The following GFRA1 variants were observed in gnomAD, a reference collection of about 807,000 sequenced individuals.
The protein encoded by GFRA1 is GDNF family receptor alpha 1.
Under a neutral mutation model 51.6 loss-of-function variants are expected in GFRA1, and 16 were observed. That is an observed-to-expected ratio of 0.31 (90% CI 0.21 to 0.47). The LOEUF (loss-of-function observed/expected upper bound fraction) is 0.47, where lower values mean the gene tolerates loss of function less well. Among genes scored for constraint, GFRA1 ranks in the 20% least tolerant of loss-of-function variants. GFRA1 has a pLI of 1.00. For missense variants in GFRA1, 530 were observed against 594.3 expected (o/e 0.89, Z 1.13); for synonymous variants, 270 against 241.3 (o/e 1.12, Z -1.10).
chr10:116,174,230 A>G (rs1961357477), intron 5 of GFRA1, among the ~76,000 whole-genome samples: 1 of 152,152 alleles, frequency 6.6e-6, no homozygotes, highest in Admixed American at 6.5e-5. Flanking sequence ...TGATTCCAGT[A>G]TATTTTTGGT....
At chr10:116,166,554 C>G (rs941504780) in intron 5 of GFRA1, among the ~76,000 whole-genome samples, 1 of 152,098 alleles carries the variant, frequency 6.6e-6, no homozygotes, top group African/African-American at 2.4e-5. Flanking sequence ...TTCCCAACAA[C>G]ACCTTCCCCC....
At chr10:116,144,138 C>A (rs1389015114) in intron 5 of GFRA1, among the ~76,000 whole-genome samples, 1 of 152,014 alleles carries the variant, frequency 6.6e-6, no homozygotes, top group Admixed American at 6.6e-5. Flanking sequence ...TTCTGCTAGA[C>A]CATGTTTTAA....
intron 4 of GFRA1, among the ~76,000 whole-genome samples, chr10:116,243,112 C>A (rs1235565620): frequency 6.6e-6 from 1 of 152,118 alleles, no homozygotes; most frequent in Non-Finnish European, 1.5e-5. Flanking sequence ...TTATGCGTCT[C>A]AAATTTAACT....
intron 4 of GFRA1, among the ~76,000 whole-genome samples, chr10:116,245,312 T>C (rs979880710): frequency 6.6e-6 from 1 of 152,198 alleles, no homozygotes; most frequent in Non-Finnish European, 1.5e-5. Context: ...CAAATAAGCA[T>C]ATGAAAAGAT....
intron 5 of GFRA1, among the ~76,000 whole-genome samples, chr10:116,129,838 G>C (rs1958031898): frequency 6.6e-6 from 1 of 151,890 alleles, no homozygotes; most frequent in Non-Finnish European, 1.5e-5. Context: ...AATGTGTAGT[G>C]ATCAAGTCAG....
intron 4 of GFRA1, among the ~76,000 whole-genome samples, chr10:116,237,356 T>C (rs938440418): frequency 6.6e-6 from 1 of 152,172 alleles, no homozygotes; most frequent in African/African-American, 2.4e-5. Flanking sequence ...TCTGTTACTG[T>C]AATTTACAGA....
chr10:116,198,410 C>T (rs953250732), intron 5 of GFRA1, among the ~76,000 whole-genome samples: 14 of 152,230 alleles, frequency 9.2e-5, no homozygotes, highest in African/African-American at 2.7e-4. Context: ...TGCATACAGA[C>T]GTGCTTTCCC....
chr10:116,077,243 G>T (rs1955657752), intron 9 of GFRA1, among the ~76,000 whole-genome samples: 1 of 151,878 alleles, frequency 6.6e-6, no homozygotes, highest in South Asian at 2.1e-4. Flanking sequence ...AGGGATAAAA[G>T]AGTTTTTAAA....
chr10:116,273,911 GCACACT>G (rs889312143), upstream of GFRA1, among the ~76,000 whole-genome samples: 26 of 152,182 alleles, frequency 1.7e-4, no homozygotes, highest in Middle Eastern at 3.4e-3. Context: ...GCCAGCGCGT[GCACACT>G]CACACTCACA....
chr10:116,258,192 G>A (rs570396426), intron 4 of GFRA1, among the ~76,000 whole-genome samples: 5 of 151,992 alleles, frequency 3.3e-5, no homozygotes, highest in African/African-American at 1.2e-4. Context: ...TGAATCATCT[G>A]GGCCTCCCAC....
intron 4 of GFRA1, among the ~76,000 whole-genome samples, chr10:116,239,920 G>C (rs1016302000): frequency 6.6e-6 from 1 of 152,046 alleles, no homozygotes; most frequent in Non-Finnish European, 1.5e-5. Context: ...TGTTAACATA[G>C]CTCCTTGTTA....
intron 4 of GFRA1, among the ~76,000 whole-genome samples, chr10:116,228,064 C>T (rs1297781809): frequency 6.6e-6 from 1 of 152,202 alleles, no homozygotes; most frequent in Admixed American, 6.5e-5. Flanking sequence ...ATGTACCTGA[C>T]TTCGCGTTTC....
At chr10:116,160,456 A>C (rs1441257447) in intron 5 of GFRA1, among the ~76,000 whole-genome samples, 1 of 152,228 alleles carries the variant, frequency 6.6e-6, no homozygotes, top group African/African-American at 2.4e-5. Flanking sequence ...AACATCACTT[A>C]TCCATCTCTG....
At chr10:116,131,845 G>T (rs1409473495) in intron 5 of GFRA1, among the ~76,000 whole-genome samples, 2 of 149,226 alleles carry the variant, frequency 1.3e-5, no homozygotes, top group Non-Finnish European at 3.0e-5. Flanking sequence ...AACAGTTTGG[G>T]CCAAAACTCA....
At chr10:116,233,503 T>C (rs1013812941) in intron 4 of GFRA1, among the ~76,000 whole-genome samples, 2 of 152,120 alleles carry the variant, frequency 1.3e-5, no homozygotes, top group East Asian at 1.9e-4. Context: ...GCAGATACTA[T>C]TGCAGCCTGG....
chr10:116,111,440 G>T (rs1381500438), intron 6 of GFRA1, among the ~76,000 whole-genome samples: 2 of 152,130 alleles, frequency 1.3e-5, no homozygotes, highest in Admixed American at 1.3e-4. Flanking sequence ...TCCAAATAAA[G>T]CCCAACCTTA....
chr10:116,084,162 A>G (rs1262391493), intron 9 of GFRA1, among the ~76,000 whole-genome samples: 2 of 152,178 alleles, frequency 1.3e-5, no homozygotes, highest in Non-Finnish European at 2.9e-5. Context: ...TCTGATGGCC[A>G]GAGAAGACCA....
chr10:116,095,906 C>T (rs1489921830), intron 7 of GFRA1, among the ~76,000 whole-genome samples: 1 of 152,080 alleles, frequency 6.6e-6, no homozygotes, highest in Non-Finnish European at 1.5e-5. Context: ...GAGATGAGCC[C>T]TGCCACCAAG....
At chr10:116,269,763 T>G (rs1242102727) in intron 3 of GFRA1, among the ~76,000 whole-genome samples, 177 bp from the exon 4 acceptor site, 1 of 152,234 alleles carries the variant, frequency 6.6e-6, no homozygotes, top group African/African-American at 2.4e-5. Flanking sequence ...TCCCTCCGCC[T>G]TTGTTGTCCT....
Sources: gnomAD v4.1 joint callset for allele counts (sites outside exome capture counted in the v4.1 genomes callset) on GRCh38, gnomAD v4.1.1 for gene constraint, MANE v1.5 for transcripts, NCBI Gene and HGNC (gene_info 2026-07-23, HGNC 2026-07-21) for gene names.